The following GNG4 variants were observed in gnomAD, a reference collection of about 807,000 sequenced individuals.
GNG4 encodes guanine nucleotide-binding protein G(I)/G(S)/G(O) subunit gamma-4.
A neutral mutation model predicts 5.8 loss-of-function variants in GNG4; 4 were observed. The observed-to-expected ratio is 0.69, with a 90% CI of 0.34 to 1.57. The LOEUF is 1.57. Ranked by LOEUF, GNG4 falls within the 40% of genes most tolerant of loss-of-function variation. The pLI, the probability that GNG4 is intolerant of heterozygous loss-of-function variation, is 0.06. For synonymous variants in GNG4, 29 were observed against 32.9 expected (o/e 0.88, Z 0.41); for missense variants, 96 against 95.1 (o/e 1.01, Z -0.04).
intron 1 of GNG4, among the ~76,000 whole-genome samples, chr1:235,608,832 C>T (rs753471305): frequency 1.3e-5 from 2 of 151,984 alleles, no homozygotes; most frequent in African/African-American, 4.8e-5. Flanking sequence ...TACAGGTGCC[C>T]ACCATCACGC....
chr1:235,611,329 G>A (rs2102969029), intron 1 of GNG4, among the ~76,000 whole-genome samples: 1 of 152,064 alleles, frequency 6.6e-6, no homozygotes, highest in South Asian at 2.1e-4. Context: ...CACCATGCTG[G>A]ACTAATTTTT....
intron 2 of GNG4, among the ~76,000 whole-genome samples, chr1:235,591,947 A>G (rs532358804): frequency 3.3e-5 from 5 of 152,356 alleles, no homozygotes; most frequent in African/African-American, 1.2e-4. Flanking sequence ...CCTTCAAGGG[A>G]AATTCCAAGC....
intron 3 of GNG4, among the ~76,000 whole-genome samples, chr1:235,571,850 T>TAACTA (rs1687351539): frequency 1.3e-5 from 2 of 152,184 alleles, no homozygotes; most frequent in South Asian, 4.1e-4. Context: ...ACTAATTAAT[T>TAACTA]ATTTTGAGAC....
At chr1:235,605,757 G>T (rs1458763587) in intron 1 of GNG4, among the ~76,000 whole-genome samples, 1 of 152,096 alleles carries the variant, frequency 6.6e-6, no homozygotes, top group Non-Finnish European at 1.5e-5. Flanking sequence ...CTGAGAACCA[G>T]CCTGGCACTT....
chr1:235,591,743 G>A (rs1016928461), intron 2 of GNG4, among the ~76,000 whole-genome samples: 2 of 152,218 alleles, frequency 1.3e-5, no homozygotes, highest in African/African-American at 4.8e-5. Context: ...CAGAAGATGA[G>A]GCAAGGGGGA....
At chr1:235,632,960 C>T (rs1202665626) in intron 1 of GNG4, among the ~76,000 whole-genome samples, 1 of 152,146 alleles carries the variant, frequency 6.6e-6, no homozygotes, top group African/African-American at 2.4e-5. Flanking sequence ...CACCCACGGA[C>T]ACTGCTGATC....
At chr1:235,573,364 G>A (rs559463395) in intron 3 of GNG4, among the ~76,000 whole-genome samples, 255 of 151,518 alleles carry the variant, frequency 1.7e-3, no homozygotes, top group Middle Eastern at 0.01. Flanking sequence ...TAGGAGAAAT[G>A]CCTAATGTAA....
At position 235,583,832 on chromosome 1, in the gene GNG4, C is replaced by G. The variant is rs775013299; in HGVS notation, c.7G>C (p.Glu3Gln). Residue 3 changes from glutamate (E) to glutamine (Q), a missense_variant, in exon 3 of 4, where the codon GAG becomes CAG. Coordinates refer to ENST00000391854, the MANE Select transcript of GNG4 (RefSeq NM_001098722.2). ...GTGGTGCTGTTATTAGACATGCCCT[C>G]TTTCATTCTACTGCCCCTAGAAGTA... MK[E>Q]GMSNNSTTSI... 4.3e-6 allele frequency: 7 copies of G among 1,611,274 alleles called. No homozygotes were observed. The highest frequency in any genetic ancestry group is 1.7e-5 in the Admixed American group (1 of 59,990).
intron 3 of GNG4, among the ~76,000 whole-genome samples, chr1:235,555,033 G>T (rs1686862612): frequency 6.6e-6 from 1 of 152,094 alleles, no homozygotes; most frequent in Non-Finnish European, 1.5e-5. Context: ...TAATTCAGAG[G>T]ATGCAAGAGA....
intron 3 of GNG4, among the ~76,000 whole-genome samples, chr1:235,559,876 A>G (rs943089659): frequency 1.3e-5 from 2 of 152,208 alleles, no homozygotes; most frequent in African/African-American, 4.8e-5. Flanking sequence ...GAGTTGTAAT[A>G]TCACCAAATT....
chr1:235,599,255 T>A (rs1688195826), intron 1 of GNG4, among the ~76,000 whole-genome samples: 1 of 152,030 alleles, frequency 6.6e-6, no homozygotes, highest in Non-Finnish European at 1.5e-5. Context: ...GAATCTCAGG[T>A]CCTACCCAAA....
At chr1:235,586,114 C>T (rs751615215) in intron 2 of GNG4, among the ~76,000 whole-genome samples, 3 of 152,182 alleles carry the variant, frequency 2.0e-5, no homozygotes, top group Non-Finnish European at 4.4e-5. Context: ...AAAATATTCT[C>T]GTTAGAAGAC....
chr1:235,588,603 C>G (rs1687885801), intron 2 of GNG4, among the ~76,000 whole-genome samples: 1 of 152,096 alleles, frequency 6.6e-6, no homozygotes, highest in Admixed American at 6.5e-5. Flanking sequence ...GAGACCCCCC[C>G]CACTAAACTC....
chr1:235,629,722 G>A (rs1474693615), intron 1 of GNG4, among the ~76,000 whole-genome samples: 2 of 151,714 alleles, frequency 1.3e-5, no homozygotes, highest in Admixed American at 1.3e-4. Context: ...TCAGCGTCCC[G>A]AGTAGCTGGG....
At chr1:235,554,562 G>A (rs961379797) in intron 3 of GNG4, among the ~76,000 whole-genome samples, 4 of 152,128 alleles carry the variant, frequency 2.6e-5, no homozygotes, top group Admixed American at 6.5e-5. Context: ...AGAATGGCTC[G>A]GCTGGACGCA....
intron 3 of GNG4, among the ~76,000 whole-genome samples, chr1:235,563,074 T>C (rs1439237367): frequency 6.6e-6 from 1 of 152,176 alleles, no homozygotes. Context: ...AACTTTTACA[T>C]TCTCTTTTGT....
At chr1:235,604,095 C>T (rs1688307963) in intron 1 of GNG4, among the ~76,000 whole-genome samples, 2 of 152,214 alleles carry the variant, frequency 1.3e-5, no homozygotes, top group Non-Finnish European at 2.9e-5. Context: ...TGGCCTGAGG[C>T]TCTTACATCA....
At chr1:235,587,386 C>T (rs1361338911) in intron 2 of GNG4, among the ~76,000 whole-genome samples, 4 of 33,200 alleles carry the variant, frequency 1.2e-4, no homozygotes, top group Non-Finnish European at 1.6e-4. Flanking sequence ...TGTGTGAGCA[C>T]GTGTGTGAGC....
At chr1:235,603,058 C>A (rs1688288680) in intron 1 of GNG4, among the ~76,000 whole-genome samples, 2 of 152,054 alleles carry the variant, frequency 1.3e-5, no homozygotes, top group Non-Finnish European at 2.9e-5. Context: ...GCCTGGCCAA[C>A]ATAGTGAAAC....
Sources: allele counts gnomAD v4.1 joint callset (sites outside exome capture counted in the v4.1 genomes callset), GRCh38; gene constraint gnomAD v4.1.1; transcripts MANE v1.5; gene names NCBI Gene and HGNC (gene_info 2026-07-23, HGNC 2026-07-21).